Variants in PDE1C observed in about 807,000 individuals in gnomAD.
PDE1C encodes the protein dual specificity calcium/calmodulin-dependent 3',5'-cyclic nucleotide phosphodiesterase 1C.
A neutral mutation model predicts 93.1 loss-of-function variants in PDE1C; 62 were observed. The observed-to-expected ratio is 0.67, with a 90% confidence interval of 0.54 to 0.82. The LOEUF is 0.82. Ranked by LOEUF, PDE1C falls within the 40% of genes least tolerant of loss-of-function variation. The pLI, the probability that PDE1C is intolerant of heterozygous loss-of-function variation, is 0.00. For synonymous variants in PDE1C, 325 were observed against 310.1 expected, an observed-to-expected ratio of 1.05 and a Z score of -0.50; for missense variants, 742 against 884.6, an observed-to-expected ratio of 0.84 and a Z score of 2.04.
exon 1 of PDE1C, chr7:32,298,740 C>G: frequency 2.5e-6 from 4 of 1,586,900 alleles, no homozygotes; most frequent in Non-Finnish European, 3.4e-6. Context: ...CGTCATGGCT[C>G]GGCCGGCCGG....
At chr7:31,628,318 A>G in the PDE1C span, among the ~76,000 whole-genome samples, 1 of 152,158 alleles carries the variant, frequency 6.6e-6, no homozygotes, top group Non-Finnish European at 1.5e-5. Flanking sequence ...AACAGGGGCA[A>G]GGAAGGACAA....
chr7:32,024,405 G>A lies in PDE1C; in HGVS notation c.128+27149C>T, dbSNP rs557706182. Among the ~76,000 whole-genome samples the A allele has an allele frequency of 3.6e-4, 54 of 151,882 alleles. 1 individual carries two copies. The Middle Eastern group carries it at 0.01, about 29-fold the overall frequency. On this transcript the variant is annotated intron_variant, in intron 2 of 17. Transcript: ENST00000396191. Reference sequence around the variant, plus strand: ...TAGATTTCTCAATATACATATGTGTGTGTGTGTGTGTGTGTATGTATAAGA... The same window carrying A: ...TAGATTTCTCAATATACATATGTGTATGTGTGTGTGTGTGTATGTATAAGA...
At chr7:32,271,147 A>T (rs1381251724) in intron 1 of PDE1C, among the ~76,000 whole-genome samples, 4 of 152,182 alleles carry the variant, frequency 2.6e-5, no homozygotes, top group African/African-American at 9.7e-5. Context: ...CAAAACGACA[A>T]CAACAACAAA....
At chr7:31,666,787 GCCC>G in the PDE1C span, among the ~76,000 whole-genome samples, 150 of 151,544 alleles carry the variant, frequency 9.9e-4, no homozygotes, top group East Asian at 7.0e-3. Context: ...TTTAAATCCA[GCCC>G]CCCATTTTTT....
At chr7:31,796,132 T>C (rs998810884) in intron 16 of PDE1C, among the ~76,000 whole-genome samples, 1 of 150,394 alleles carries the variant, frequency 6.6e-6, no homozygotes, top group Non-Finnish European at 1.5e-5. Context: ...TGTATATGTA[T>C]ATATGATTTA....
intron 3 of PDE1C, among the ~76,000 whole-genome samples, chr7:32,107,852 G>A (rs1798412069): frequency 6.6e-6 from 1 of 152,028 alleles, no homozygotes; most frequent in Non-Finnish European, 1.5e-5. Flanking sequence ...ATCAGTAACA[G>A]CAATCTTATA....
In PDE1C at chr7:32,103,824, G is replaced by A. The variant is rs527748410; in HGVS notation, c.308+65961C>T. Among the ~76,000 whole-genome samples the A allele has an allele frequency of 4.6e-5, 7 of 152,206 alleles. No homozygotes were observed. The South Asian group carries it at 6.2e-4, about 14-fold the overall frequency. ...AAAAAGAGTAACTGATATCTACAGC[G>A]ATAAGATAAAATATTGCAGAGAAGA... On this transcript the variant is annotated intron_variant, in intron 3 of 18. Coordinates refer to the PDE1C transcript ENST00000396193.
At chr7:32,046,162 G>A (rs906448097) in intron 2 of PDE1C, among the ~76,000 whole-genome samples, 1 of 151,532 alleles carries the variant, frequency 6.6e-6, no homozygotes, top group Non-Finnish European at 1.5e-5. Flanking sequence ...TGTATCCTGG[G>A]CTGTCTTCTT....
At chr7:31,642,751 A>G in the PDE1C span, 1 of 1,614,020 alleles carries the variant, frequency 6.2e-7, no homozygotes, top group Non-Finnish European at 8.5e-7. Flanking sequence ...TCAGAGCCAC[A>G]GCTTAGTATC....
intron 3 of PDE1C, among the ~76,000 whole-genome samples, chr7:32,160,454 G>A (rs1801845297): frequency 6.6e-6 from 1 of 152,156 alleles, no homozygotes; most frequent in African/African-American, 2.4e-5. Context: ...AATCTATAAA[G>A]TACATTTTCT....
chr7:32,005,346 G>A (rs1455367334), intron 2 of PDE1C, among the ~76,000 whole-genome samples: 1 of 151,940 alleles, frequency 6.6e-6, no homozygotes, highest in Admixed American at 6.6e-5. Flanking sequence ...CATGATGTCA[G>A]GAGATCGAGA....
chr7:31,651,758 A>C, the PDE1C span, among the ~76,000 whole-genome samples: 1 of 140,932 alleles, frequency 7.1e-6, no homozygotes, highest in African/African-American at 2.6e-5. Flanking sequence ...ATTATACTGC[A>C]ATAAAGTTGT....
intron 7 of PDE1C, among the ~76,000 whole-genome samples, chr7:31,859,453 T>C (rs1244854540): frequency 2.4e-5 from 2 of 81,900 alleles, no homozygotes; most frequent in African/African-American, 7.8e-5. Context: ...ACTTTAATAA[T>C]ATAAATAATA....
At chr7:31,837,337 A>C (rs1791246740) in intron 10 of PDE1C, 37 bp from the exon 11 acceptor site, 1 of 1,541,498 alleles carries the variant, frequency 6.5e-7, no homozygotes, top group Non-Finnish European at 8.8e-7. Context: ...TGATAACCAC[A>C]CTCTTCAGAA....
intron 2 of PDE1C, among the ~76,000 whole-genome samples, chr7:31,998,006 T>C (rs1477629342): frequency 7.0e-6 from 1 of 142,100 alleles, no homozygotes; most frequent in Non-Finnish European, 1.6e-5. Flanking sequence ...TTATTTTATT[T>C]TATTTTTATT....
intron 12 of PDE1C, among the ~76,000 whole-genome samples, chr7:31,826,081 G>A (rs13238408): frequency 0.33 from 50,701 of 152,040 alleles, 9,554 homozygotes; most frequent in African/African-American, 0.52. Flanking sequence ...AATCAGGAGA[G>A]AAAATAGGAG....
chr7:32,419,384 C>CA (rs929138448), intron 1 of PDE1C, among the ~76,000 whole-genome samples: 14 of 152,088 alleles, frequency 9.2e-5, no homozygotes, highest in Non-Finnish European at 1.6e-4. Flanking sequence ...AGAGAGAGAG[C>CA]AAAAAAGCAG....
chr7:31,760,857 T>C (rs1327924129), intron 17 of PDE1C, among the ~76,000 whole-genome samples: 1 of 152,052 alleles, frequency 6.6e-6, no homozygotes, highest in African/African-American at 2.4e-5. Flanking sequence ...TAAATGTTAT[T>C]TTACATGAAG....
chr7:32,176,202 G>A (rs1055228503), intron 2 of PDE1C, among the ~76,000 whole-genome samples: 6 of 152,128 alleles, frequency 3.9e-5, no homozygotes, highest in Non-Finnish European at 7.4e-5. Context: ...GTACATTTAT[G>A]TAATGGATTG....
Sources: allele counts gnomAD v4.1 joint callset (sites outside exome capture counted in the v4.1 genomes callset), GRCh38; gene constraint gnomAD v4.1.1; transcripts MANE v1.5; gene names NCBI Gene and HGNC (gene_info 2026-07-23, HGNC 2026-07-21).